RAP1A: variants seen among roughly 807,000 people sequenced by gnomAD.
RAP1A encodes ras-related protein Rap-1A.
Under a neutral mutation model 26.4 loss-of-function variants are expected in RAP1A, and 6 were observed. The observed-to-expected ratio is 0.23, with a 90% CI of 0.12 to 0.45. The LOEUF is 0.45. Ranked by LOEUF, RAP1A falls within the 20% of genes least tolerant of loss-of-function variation. RAP1A has a pLI of 0.99. For missense variants in RAP1A, 121 were observed against 217.2 expected (o/e 0.56, Z 2.78); for synonymous variants, 73 against 79.4 (o/e 0.92, Z 0.43).
intron 1 of RAP1A, among the ~76,000 whole-genome samples, chr1:111,635,022 TTAAAGA>T (rs1659685420): frequency 6.6e-6 from 1 of 152,186 alleles, no homozygotes; most frequent in Admixed American, 6.5e-5. Flanking sequence ...AATAAAGCTT[TTAAAGA>T]TAAAGATTCT....
chr1:111,611,085 C>T (rs767357372), intron 1 of RAP1A, among the ~76,000 whole-genome samples: 5 of 152,190 alleles, frequency 3.3e-5, no homozygotes, highest in Non-Finnish European at 7.3e-5. Context: ...AAATGATCTA[C>T]ACAGAGTGCA....
chr1:111,550,409 T>C (rs1343522963), intron 1 of RAP1A, among the ~76,000 whole-genome samples: 1 of 152,190 alleles, frequency 6.6e-6, no homozygotes, highest in African/African-American at 2.4e-5. Flanking sequence ...TTTCTAAAAA[T>C]GGAAGATCAT....
At chr1:111,562,686 G>A (rs1050032461) in intron 1 of RAP1A, among the ~76,000 whole-genome samples, 3 of 152,300 alleles carry the variant, frequency 2.0e-5, no homozygotes. Context: ...GTAATCCATT[G>A]TGAATCCAAG....
At chr1:111,686,198 A>G (rs376391864) in intron 1 of RAP1A, among the ~76,000 whole-genome samples, 1 of 152,134 alleles carries the variant, frequency 6.6e-6, no homozygotes, top group South Asian at 2.1e-4. Context: ...GGGTGCAGCA[A>G]ACCACCATGG....
chr1:111,587,602 A>G (rs1416872982), intron 1 of RAP1A, among the ~76,000 whole-genome samples: 1 of 152,020 alleles, frequency 6.6e-6, no homozygotes, highest in Non-Finnish European at 1.5e-5. Context: ...TCTAAAAACA[A>G]CTTCCACTCG....
chr1:111,603,980 T>G (rs913061174), intron 1 of RAP1A, among the ~76,000 whole-genome samples: 9 of 152,174 alleles, frequency 5.9e-5, no homozygotes, highest in African/African-American at 2.2e-4. Context: ...TGCTTAAACT[T>G]CAAGAGTATA....
At chr1:111,566,451 A>C (rs1446112270) in intron 1 of RAP1A, among the ~76,000 whole-genome samples, 1 of 152,132 alleles carries the variant, frequency 6.6e-6, no homozygotes, top group Admixed American at 6.6e-5. Flanking sequence ...CTGCCCTCCA[A>C]AGCTGGGTGT....
intron 1 of RAP1A, among the ~76,000 whole-genome samples, chr1:111,600,574 G>C (rs1386242896): frequency 6.6e-6 from 1 of 152,148 alleles, no homozygotes; most frequent in Non-Finnish European, 1.5e-5. Flanking sequence ...ATCAAGAGCA[G>C]GAGAGCTCTT....
intron 1 of RAP1A, among the ~76,000 whole-genome samples, chr1:111,572,403 A>G (rs550911026): frequency 2.0e-4 from 31 of 152,378 alleles, no homozygotes; most frequent in African/African-American, 7.0e-4. Context: ...CTCAGCCTGA[A>G]GTATCTCAAG....
At chr1:111,622,420 A>T (rs1016031675) in intron 1 of RAP1A, among the ~76,000 whole-genome samples, 1 of 152,188 alleles carries the variant, frequency 6.6e-6, no homozygotes, top group Non-Finnish European at 1.5e-5. Flanking sequence ...AAATACACTG[A>T]GGTGTCTGCA....
intron 6 of RAP1A, among the ~76,000 whole-genome samples, chr1:111,708,031 C>G (rs931954331): frequency 6.6e-6 from 1 of 152,126 alleles, no homozygotes; most frequent in Non-Finnish European, 1.5e-5. Flanking sequence ...CAAAAATTAG[C>G]TGGGTGTCGT....
intron 1 of RAP1A, among the ~76,000 whole-genome samples, chr1:111,598,464 C>CT (rs939052642): frequency 5.7e-4 from 86 of 149,854 alleles, no homozygotes; most frequent in African/African-American, 2.2e-4. Flanking sequence ...TTGAGGAGCA[C>CT]TTTTTTTTTT....
intron 1 of RAP1A, among the ~76,000 whole-genome samples, chr1:111,594,979 TA>T (rs1289565050): frequency 6.6e-6 from 1 of 152,242 alleles, no homozygotes; most frequent in Non-Finnish European, 1.5e-5. Context: ...CTTATTCTTG[TA>T]ACACAGTTGC....
intron 1 of RAP1A, among the ~76,000 whole-genome samples, chr1:111,552,991 A>G (rs1341471172): frequency 6.6e-6 from 1 of 152,244 alleles, no homozygotes; most frequent in Non-Finnish European, 1.5e-5. Flanking sequence ...AATGAGCAAG[A>G]CTGACAACAG....
chr1:111,563,984 C>G, intron 1 of RAP1A: 1 of 1,529,268 alleles, frequency 6.5e-7, no homozygotes, highest in Non-Finnish European at 9.1e-7. Context: ...CCAACTGCCA[C>G]AGAAGCTTCC....
At chr1:111,545,439 T>C (rs1657001157) in intron 1 of RAP1A, among the ~76,000 whole-genome samples, 1 of 152,180 alleles carries the variant, frequency 6.6e-6, no homozygotes, top group African/African-American at 2.4e-5. Flanking sequence ...AAATATCTGT[T>C]CGAGTCCTTT....
At chr1:111,660,940 C>T (rs1363607196) in intron 1 of RAP1A, among the ~76,000 whole-genome samples, 2 of 152,234 alleles carry the variant, frequency 1.3e-5, no homozygotes, top group Non-Finnish European at 2.9e-5. Context: ...TAGTTGTTTA[C>T]TCAAACATCA....
intron 1 of RAP1A, among the ~76,000 whole-genome samples, chr1:111,608,971 G>C (rs1441750559): frequency 6.6e-6 from 1 of 152,236 alleles, no homozygotes; most frequent in Admixed American, 6.5e-5. Context: ...GACTTACAGT[G>C]CTTTCTTTTG....
intron 1 of RAP1A, among the ~76,000 whole-genome samples, chr1:111,660,273 A>G (rs940839418): frequency 1.3e-5 from 2 of 152,116 alleles, no homozygotes; most frequent in South Asian, 4.1e-4. Flanking sequence ...GTCTGATGCA[A>G]TTCTTGTCTC....
Sources: gnomAD v4.1 joint callset for allele counts (sites outside exome capture counted in the v4.1 genomes callset) on GRCh38, gnomAD v4.1.1 for gene constraint, MANE v1.5 for transcripts, NCBI Gene and HGNC (gene_info 2026-07-23, HGNC 2026-07-21) for gene names.